The following PCDH15 variants were observed in gnomAD, a reference collection of about 807,000 sequenced individuals.
The protein encoded by PCDH15 is protocadherin related 15, also known as protocadherin-15.
In PCDH15, 129 loss-of-function variants were observed where a neutral mutation model predicts 178.5. The ratio of observed to expected loss-of-function variants is 0.72; its 90% confidence interval spans 0.63 to 0.84. The LOEUF is 0.84. Among genes scored for constraint, PCDH15 ranks in the 40% least tolerant of loss-of-function variants. PCDH15 has a pLI of 0.00. For missense variants in PCDH15, 2,230 were observed against 2,099.9 expected, an observed-to-expected ratio of 1.06 and a Z score of -1.21; for synonymous variants, 800 against 732.0, an observed-to-expected ratio of 1.09 and a Z score of -1.50.
intron 20 of PCDH15, among the ~76,000 whole-genome samples, chr10:54,003,903 C>A (rs2092282854): frequency 6.6e-6 from 1 of 151,922 alleles, no homozygotes; most frequent in East Asian, 1.9e-4. Flanking sequence ...AAAATAATAA[C>A]AAAGAAATTC....
intron 11 of PCDH15, among the ~76,000 whole-genome samples, chr10:54,193,735 C>T (rs2049275154): frequency 6.6e-6 from 1 of 152,096 alleles, no homozygotes; most frequent in African/African-American, 2.4e-5. Flanking sequence ...CTAGAGCATT[C>T]TTCAGCTATC....
intron 2 of PCDH15, among the ~76,000 whole-genome samples, chr10:55,490,461 T>C (rs1840387286): frequency 6.6e-6 from 1 of 151,782 alleles, no homozygotes; most frequent in South Asian, 2.1e-4. Context: ...AATTTTATTT[T>C]CTCACAAAGT....
At chr10:55,059,985 A>AT (rs781425402) in intron 2 of PCDH15, among the ~76,000 whole-genome samples, 2 of 81,192 alleles carry the variant, frequency 2.5e-5, no homozygotes, top group Non-Finnish European at 6.1e-5. Flanking sequence ...CATACAAAAA[A>AT]TTAAAAAAAA....
At chr10:54,450,106 G>T (rs908893915) in intron 3 of PCDH15, among the ~76,000 whole-genome samples, 1 of 141,948 alleles carries the variant, frequency 7.0e-6, no homozygotes, top group Non-Finnish European at 1.5e-5. Flanking sequence ...GTTTGAAGTG[G>T]CAGATGACTA....
At chr10:54,002,889 A>C (rs190364364) in intron 20 of PCDH15, among the ~76,000 whole-genome samples, 1 of 152,316 alleles carries the variant, frequency 6.6e-6, no homozygotes, top group East Asian at 1.9e-4. Context: ...CACCACAGCC[A>C]GCAGTGGCAA....
At chr10:54,985,003 T>C (rs190922143) in intron 2 of PCDH15, among the ~76,000 whole-genome samples, 6 of 152,270 alleles carry the variant, frequency 3.9e-5, no homozygotes, top group Non-Finnish European at 7.3e-5. Flanking sequence ...ATGACCCTTA[T>C]GATGGGTAAG....
intron 2 of PCDH15, among the ~76,000 whole-genome samples, chr10:55,469,560 T>C (rs1331367909): frequency 6.6e-6 from 1 of 152,090 alleles, no homozygotes; most frequent in Non-Finnish European, 1.5e-5. Flanking sequence ...TTATTGAATA[T>C]TGCTCAGTTT....
chr10:55,284,024 T>C (rs902783898), intron 1 of PCDH15, among the ~76,000 whole-genome samples: 3 of 152,178 alleles, frequency 2.0e-5, no homozygotes, highest in African/African-American at 7.2e-5. Flanking sequence ...TCTTGACTCT[T>C]AAGTCATTTC....
At chr10:54,382,281 T>C (rs12764651) in intron 3 of PCDH15, among the ~76,000 whole-genome samples, 16,435 of 152,154 alleles carry the variant, frequency 0.11, 1,532 homozygotes, top group African/African-American at 0.25. Context: ...AAAATAACTT[T>C]GCAGCTTCTT....
At chr10:54,558,695 T>C (rs1275704458) in intron 2 of PCDH15, among the ~76,000 whole-genome samples, 5 of 152,104 alleles carry the variant, frequency 3.3e-5, no homozygotes, top group Admixed American at 3.3e-4. Context: ...TATTGTTCTT[T>C]CTTCTATTAC....
rs202221742 is a variant in PCDH15, at chr10:54,134,067, G to A, written c.1785-1060C>T. ...ATTTATTTATTTATTTATTTGAGAC[G>A]GAGAGTTGCTCTCCAGCCCAGGCTG... On this transcript the variant is annotated intron_variant, in intron 14 of 37. Coordinates refer to ENST00000644397, the MANE Select transcript of PCDH15 (RefSeq NM_001384140.1). 3.0e-5 allele frequency among the ~76,000 whole-genome samples: 4 copies of A among 134,504 alleles called. 1 individual carries two copies. Among genetic ancestry groups the A allele is most frequent in the East Asian group, 1.8e-3 (2 of 1,084 alleles). The allele number at this position is 134,504 out of a possible 152,430, so 88.2% of individuals were successfully genotyped here. A position where few individuals can be genotyped will look rare whatever the true frequency, so the allele number is the denominator to read the frequency against.
chr10:54,916,566 A>G (rs1039461371), intron 2 of PCDH15, among the ~76,000 whole-genome samples: 2 of 152,074 alleles, frequency 1.3e-5, no homozygotes, highest in African/African-American at 4.8e-5. Flanking sequence ...TCTATTTTTT[A>G]AAGCTGTGTA....
intron 8 of PCDH15, among the ~76,000 whole-genome samples, chr10:54,284,023 C>T (rs1304196805): frequency 1.3e-5 from 2 of 151,970 alleles, no homozygotes; most frequent in South Asian, 2.1e-4. Context: ...TTAACAGAAA[C>T]GGAGTCTCAC....
At chr10:53,933,710 A>T (rs1462717955) in intron 25 of PCDH15, among the ~76,000 whole-genome samples, 1 of 152,146 alleles carries the variant, frequency 6.6e-6, no homozygotes, top group Non-Finnish European at 1.5e-5. Context: ...GGCTGGGTCA[A>T]ATGGTATTTC....
intron 3 of PCDH15, among the ~76,000 whole-genome samples, chr10:54,462,133 T>C (rs2077201307): frequency 6.6e-6 from 1 of 152,144 alleles, no homozygotes; most frequent in African/African-American, 2.4e-5. Context: ...AAAGAAAATG[T>C]AGCTAGTAGT....
chr10:54,969,086 T>A (rs1402376301), intron 2 of PCDH15, among the ~76,000 whole-genome samples: 1 of 151,994 alleles, frequency 6.6e-6, no homozygotes, highest in East Asian at 1.9e-4. Context: ...TCTATTATTT[T>A]TTTTTTTACT....
chr10:55,118,525 CTG>C (rs1389995294), intron 2 of PCDH15, among the ~76,000 whole-genome samples: 4 of 152,284 alleles, frequency 2.6e-5, no homozygotes, highest in African/African-American at 9.6e-5. Context: ...AGTGCCCAAA[CTG>C]TCTTAGAATT....
At chr10:54,872,942 T>C (rs1268574401) in intron 3 of PCDH15, among the ~76,000 whole-genome samples, 2 of 152,030 alleles carry the variant, frequency 1.3e-5, no homozygotes, top group African/African-American at 4.8e-5. Context: ...AACCAAGGTC[T>C]CAAAGGACAT....
intron 1 of PCDH15, among the ~76,000 whole-genome samples, chr10:54,750,164 G>C (rs759372515): frequency 6.6e-6 from 1 of 151,876 alleles, no homozygotes; most frequent in African/African-American, 2.4e-5. Context: ...TAAAAATGCA[G>C]TTGGAGAAAT....
Sources: gnomAD v4.1 joint callset for allele counts (sites outside exome capture counted in the v4.1 genomes callset) on GRCh38, gnomAD v4.1.1 for gene constraint, MANE v1.5 for transcripts, NCBI Gene and HGNC (gene_info 2026-07-23, HGNC 2026-07-21) for gene names.